The following CYRIB variants were observed in gnomAD, a reference collection of about 807,000 sequenced individuals.
CYRIB encodes CYFIP-related Rac1 interactor B.
CYRIB carries 8 observed loss-of-function variants against 44.2 expected under a neutral mutation model. The observed-to-expected ratio is 0.18, with a 90% CI of 0.11 to 0.33. The LOEUF is 0.33. Ranked by LOEUF, CYRIB falls within the 10% of genes least tolerant of loss-of-function variation. The probability of loss-of-function intolerance (pLI) is 1.00; values close to 1 mark genes in which losing one functional copy is unlikely to be tolerated. For synonymous variants in CYRIB, 131 were observed against 127.2 expected (o/e 1.03, Z -0.20); for missense variants, 185 against 382.8 (o/e 0.48, Z 4.31).
chr8:129,987,030 T>C (rs868814437), intron 1 of CYRIB, among the ~76,000 whole-genome samples: 2 of 152,310 alleles, frequency 1.3e-5, no homozygotes, highest in African/African-American at 4.8e-5. Flanking sequence ...GAGACTTCTC[T>C]CACACTTTGG....
chr8:129,925,208 G>A (rs930183849), intron 1 of CYRIB, among the ~76,000 whole-genome samples: 7 of 152,130 alleles, frequency 4.6e-5, no homozygotes, highest in Non-Finnish European at 1.0e-4. Flanking sequence ...GACCAGCCTG[G>A]CCAACATGGT....
chr8:129,886,415 A>G (rs2134343727), intron 2 of CYRIB, among the ~76,000 whole-genome samples: 1 of 152,258 alleles, frequency 6.6e-6, no homozygotes, highest in South Asian at 2.1e-4. Context: ...CTTTTTCAGT[A>G]CCCTTCTGTT....
chr8:129,943,724 G>A (rs1590784821), upstream of CYRIB, among the ~76,000 whole-genome samples: 1 of 145,928 alleles, frequency 6.9e-6, no homozygotes, highest in Non-Finnish European at 1.5e-5. Flanking sequence ...TCAGCCTCCC[G>A]AGCAGCTGGG....
intron 1 of CYRIB, among the ~76,000 whole-genome samples, chr8:130,010,446 GTTAAAA>G (rs1439834849): frequency 6.6e-6 from 1 of 152,184 alleles, no homozygotes; most frequent in Non-Finnish European, 1.5e-5. Flanking sequence ...TCCCTTGTGT[GTTAAAA>G]TTAGAGTACT....
chr8:129,910,647 GAACA>G (rs1316539966), intron 1 of CYRIB, among the ~76,000 whole-genome samples: 2 of 151,964 alleles, frequency 1.3e-5, no homozygotes, highest in Admixed American at 1.3e-4. Context: ...AAATTAAAAT[GAACA>G]GCCAGGTCTA....
At chr8:130,007,475 G>A (rs1050643700) in intron 1 of CYRIB, among the ~76,000 whole-genome samples, 3 of 152,212 alleles carry the variant, frequency 2.0e-5, no homozygotes, top group Non-Finnish European at 2.9e-5. Flanking sequence ...ATGAAAGTAA[G>A]AAATAAAATA....
At chr8:129,999,713 G>A (rs551604930) in intron 1 of CYRIB, among the ~76,000 whole-genome samples, 97 of 152,280 alleles carry the variant, frequency 6.4e-4, no homozygotes, top group South Asian at 4.8e-3. Flanking sequence ...CTGAAGCCTC[G>A]ACCTCCCGGT....
intron 2 of CYRIB, among the ~76,000 whole-genome samples, chr8:129,945,984 G>GAT (rs2094114555): frequency 6.6e-6 from 1 of 152,230 alleles, no homozygotes; most frequent in African/African-American, 2.4e-5. Flanking sequence ...GTGAAATGGA[G>GAT]ATAAGACAAT....
At chr8:129,934,999 C>T (rs2092534684) in intron 1 of CYRIB, among the ~76,000 whole-genome samples, 1 of 152,178 alleles carries the variant, frequency 6.6e-6, no homozygotes, top group Non-Finnish European at 1.5e-5. Flanking sequence ...TTGAGTTGGT[C>T]TGGCAATAAT....
intron 4 of CYRIB, among the ~76,000 whole-genome samples, chr8:129,866,254 G>A (rs765604006): frequency 1.3e-5 from 2 of 152,174 alleles, no homozygotes; most frequent in African/African-American, 2.4e-5. Flanking sequence ...TTTTTATCAC[G>A]TTTTTCCATA....
At chr8:129,992,450 C>CAA (rs1254656136) in intron 1 of CYRIB, among the ~76,000 whole-genome samples, 1 of 152,182 alleles carries the variant, frequency 6.6e-6, no homozygotes, top group East Asian at 1.9e-4. Flanking sequence ...ACAGCGCTCA[C>CAA]AAAGATAACA....
intron 4 of CYRIB, chr8:129,864,724 T>C (rs551731013): frequency 1.5e-5 from 5 of 327,788 alleles, no homozygotes; most frequent in African/African-American, 1.1e-4. Context: ...TTTATGGTGG[T>C]AATCTGCTGA....
intron 1 of CYRIB, among the ~76,000 whole-genome samples, chr8:129,991,971 A>AAAAAAAAAAAAAGAGAGAG (rs994697259): frequency 8.2e-5 from 11 of 134,604 alleles, no homozygotes; most frequent in East Asian, 2.2e-4. Context: ...AAAAAAAAAA[A>AAAAAAAAAAAAAGAGAGAG]ACAATAGGAA....
At chr8:129,842,062 T>C (rs1323888402) in exon 12 of CYRIB, 5 of 909,734 alleles carry the variant, frequency 5.5e-6, no homozygotes, top group Non-Finnish European at 8.7e-6. Flanking sequence ...GAGATAGTAA[T>C]TGCAATCACT....
At chr8:129,847,788 T>C (rs1252270852) in intron 10 of CYRIB, among the ~76,000 whole-genome samples, 1 of 152,124 alleles carries the variant, frequency 6.6e-6, no homozygotes, top group Admixed American at 6.5e-5. Context: ...GAAATGTGGG[T>C]TCTACCTTTT....
At chr8:129,844,775 C>T (rs2038824570) in intron 11 of CYRIB, among the ~76,000 whole-genome samples, 2 of 152,110 alleles carry the variant, frequency 1.3e-5, no homozygotes, top group Non-Finnish European at 2.9e-5. Context: ...GTGTAACACT[C>T]GTGTAGTACT....
At chr8:129,917,549 A>T (rs967909595) in intron 1 of CYRIB, among the ~76,000 whole-genome samples, 6 of 152,132 alleles carry the variant, frequency 3.9e-5, no homozygotes, top group African/African-American at 1.2e-4. Context: ...TTAAAAAAAA[A>T]TTTCCAAGAT....
intron 4 of CYRIB, chr8:129,864,612 C>T (rs1475544835): frequency 1.1e-5 from 2 of 182,894 alleles, no homozygotes; most frequent in African/African-American, 2.4e-5. Context: ...ATAAAGTGTG[C>T]AGACTAGGCC....
intron 1 of CYRIB, among the ~76,000 whole-genome samples, chr8:129,990,849 G>A (rs1353488876): frequency 6.6e-6 from 1 of 152,088 alleles, no homozygotes; most frequent in African/African-American, 2.4e-5. Flanking sequence ...GGTACAACAA[G>A]GCCAGGCACG....
Sources: allele counts gnomAD v4.1 joint callset (sites outside exome capture counted in the v4.1 genomes callset), GRCh38; gene constraint gnomAD v4.1.1; transcripts MANE v1.5; gene names NCBI Gene and HGNC (gene_info 2026-07-23, HGNC 2026-07-21).